The following DIP2A variants were observed in gnomAD, a reference collection of about 807,000 sequenced individuals.
DIP2A encodes the protein disco-interacting protein 2 homolog A.
In DIP2A, 85 loss-of-function variants were observed where a neutral mutation model predicts 177.4. The observed-to-expected ratio is 0.48, with a 90% CI of 0.40 to 0.57. The LOEUF (loss-of-function observed/expected upper bound fraction) is 0.57. Among genes scored for constraint, DIP2A ranks in the 20% least tolerant of loss-of-function variants. The pLI, the probability that DIP2A is intolerant of heterozygous loss-of-function variation, is 0.00. For synonymous variants in DIP2A, 886 were observed against 881.8 expected (o/e 1.00, Z -0.08); for missense variants, 1,791 against 2,100.2 (o/e 0.85, Z 2.88).
chr21:46,501,552 TG>T (rs1265794921), intron 5 of DIP2A, among the ~76,000 whole-genome samples: 1 of 152,172 alleles, frequency 6.6e-6, no homozygotes, highest in Non-Finnish European at 1.5e-5. Context: ...CCTGAGCAGC[TG>T]GGACTATAGG....
At chr21:46,478,440 G>T (rs562970247) in intron 1 of DIP2A, among the ~76,000 whole-genome samples, 1 of 152,088 alleles carries the variant, frequency 6.6e-6, no homozygotes, top group Non-Finnish European at 1.5e-5. Context: ...TCGAACTCCG[G>T]ACCTCAGGTG....
At chr21:46,468,440 G>A (rs2055053891) in intron 1 of DIP2A, among the ~76,000 whole-genome samples, 1 of 151,358 alleles carries the variant, frequency 6.6e-6, no homozygotes, top group Non-Finnish European at 1.5e-5. Flanking sequence ...AGAGAAAATC[G>A]GCGCCAGAAC....
intron 7 of DIP2A, among the ~76,000 whole-genome samples, chr21:46,510,580 A>C (rs1186358053): frequency 6.6e-6 from 1 of 152,122 alleles, no homozygotes; most frequent in African/African-American, 2.4e-5. Context: ...TAAAGTAAAA[A>C]ACAAGATTAA....
chr21:46,538,418 C>T, intron 15 of DIP2A, 65 bp from the exon 16 acceptor site: 3 of 1,519,696 alleles, frequency 2.0e-6, no homozygotes, highest in South Asian at 2.5e-5. Context: ...GTACACGTGT[C>T]TGTAGGCGTG....
intron 5 of DIP2A, among the ~76,000 whole-genome samples, chr21:46,501,444 G>A (rs2148549381): frequency 6.6e-6 from 1 of 151,958 alleles, no homozygotes; most frequent in African/African-American, 2.4e-5. Context: ...CCTAGAGACA[G>A]GGTCTTGCTC....
At chr21:46,492,984 C>T (rs999237355) in intron 3 of DIP2A, among the ~76,000 whole-genome samples, 3 of 152,094 alleles carry the variant, frequency 2.0e-5, no homozygotes, top group Admixed American at 6.6e-5. Flanking sequence ...TGGCCCCCGC[C>T]CTGCCCCATC....
intron 8 of DIP2A, among the ~76,000 whole-genome samples, chr21:46,523,690 A>G (rs2058935403): frequency 6.6e-6 from 1 of 151,680 alleles, no homozygotes; most frequent in Non-Finnish European, 1.5e-5. Context: ...TTCCCAGAAG[A>G]AGTCTAGAGC....
chr21:46,566,025 C>T, intron 36 of DIP2A, 138 bp downstream of exon 36: 1 of 1,044,568 alleles, frequency 9.6e-7, no homozygotes, highest in Non-Finnish European at 1.4e-6. Flanking sequence ...GATGTTCTGA[C>T]AGCAGTTTTC....
intron 8 of DIP2A, among the ~76,000 whole-genome samples, chr21:46,521,499 A>AT (rs56906030): frequency 0.35 from 53,834 of 151,954 alleles, 9,907 homozygotes; most frequent in Middle Eastern, 0.44. Context: ...ATCTTTCATT[A>AT]TTTTTTTAAT....
Position 46,498,981 on chromosome 21 carries a change from A to G in DIP2A, c.655+148A>G. 9.3e-7 allele frequency: 1 copy of G among 1,078,016 alleles called. No homozygotes were observed. The highest frequency in any genetic ancestry group is 1.3e-6 in the Non-Finnish European group (1 of 776,830). The allele number at this position is 1,078,016 out of a possible 1,614,324, so 66.8% of individuals were successfully genotyped here. On this transcript the variant is annotated intron_variant, in intron 5 of 37. Transcript: ENST00000417564. This position sits in a 1 kb window ranked among gnomAD's most constrained non-coding sequence, Gnocchi z 4.3. Reference sequence around the variant, plus strand: ...GTGCTCTCCAAGTGACTGAGGTCACACAACCCAGATAACCCATACTGGCTT... The same window carrying G: ...GTGCTCTCCAAGTGACTGAGGTCACGCAACCCAGATAACCCATACTGGCTT...
chr21:46,464,726 G>A (rs2054639135), intron 1 of DIP2A, among the ~76,000 whole-genome samples: 2 of 150,410 alleles, frequency 1.3e-5, no homozygotes. Context: ...TGCGATAACA[G>A]CATTAATCCA....
chr21:46,535,800 G>T (rs1378797989), intron 13 of DIP2A, among the ~76,000 whole-genome samples: 1 of 152,178 alleles, frequency 6.6e-6, no homozygotes, highest in Non-Finnish European at 1.5e-5. Flanking sequence ...TCTTTAGCCA[G>T]GCGTGATGAT....
At chr21:46,536,356 C>A (rs181505133) in intron 13 of DIP2A, among the ~76,000 whole-genome samples, 2 of 152,320 alleles carry the variant, frequency 1.3e-5, no homozygotes, top group African/African-American at 4.8e-5. Context: ...ACCCTCAGGA[C>A]CCCTATCCAC....
At chr21:46,560,432 G>A (rs1320073118) in intron 32 of DIP2A, among the ~76,000 whole-genome samples, 1 of 152,252 alleles carries the variant, frequency 6.6e-6, no homozygotes, top group Non-Finnish European at 1.5e-5. Flanking sequence ...CAAGAGACCA[G>A]TGGGAATAGA....
chr21:46,547,074 A>T (rs1472346926), intron 21 of DIP2A, 32 bp downstream of exon 21: 1 of 1,601,202 alleles, frequency 6.2e-7, no homozygotes, highest in Non-Finnish European at 8.6e-7. Context: ...CGCCGGGAGT[A>T]GATTCCTTCA....
intron 8 of DIP2A, among the ~76,000 whole-genome samples, chr21:46,523,619 A>C (rs2148701526): frequency 8.8e-6 from 1 of 113,998 alleles, no homozygotes; most frequent in South Asian, 2.4e-4. Flanking sequence ...GCCAAAGGTA[A>C]CCTCCCAGGT....
chr21:46,520,350 T>C (rs969040675), intron 8 of DIP2A, among the ~76,000 whole-genome samples: 1 of 152,262 alleles, frequency 6.6e-6, no homozygotes, highest in African/African-American at 2.4e-5. Flanking sequence ...CTGGTTCTAT[T>C]AGTCCTATTA....
At chr21:46,486,069 T>G (rs1654514491) in intron 2 of DIP2A, among the ~76,000 whole-genome samples, 1 of 33,188 alleles carries the variant, frequency 3.0e-5, no homozygotes, top group Non-Finnish European at 5.6e-5. Flanking sequence ...GGACTTCATC[T>G]CAAAAAAAAA....
intron 9 of DIP2A, among the ~76,000 whole-genome samples, chr21:46,531,530 A>G (rs1009681745): frequency 2.6e-5 from 4 of 152,330 alleles, no homozygotes; most frequent in Non-Finnish European, 2.9e-5. Flanking sequence ...AGAATCACTA[A>G]TTTTCTTGAA....
Sources: allele counts gnomAD v4.1 joint callset (sites outside exome capture counted in the v4.1 genomes callset), GRCh38; gene constraint gnomAD v4.1.1; non-coding constraint Gnocchi (gnomAD v3.1); transcripts MANE v1.5; gene names NCBI Gene and HGNC (gene_info 2026-07-23, HGNC 2026-07-21).